KIF1A: variants seen among roughly 807,000 people sequenced by gnomAD.
KIF1A encodes kinesin family member 1A.
KIF1A carries 46 observed loss-of-function variants against 227.3 expected under a neutral mutation model. The ratio of observed to expected loss-of-function variants is 0.20; its 90% confidence interval spans 0.16 to 0.26. The LOEUF (loss-of-function observed/expected upper bound fraction) is 0.26, where lower values mean the gene tolerates loss of function less well. KIF1A is among the 10% of genes least tolerant of loss of function. The pLI is 1.00. For missense variants in KIF1A, 1,683 were observed against 2,485.9 expected (o/e 0.68, Z 6.87); for synonymous variants, 1,022 against 1,012.8 (o/e 1.01, Z -0.17).
At chr2:240,743,075 A>C (rs1575558507) in intron 33 of KIF1A, 91 bp from the exon 34 acceptor site, 3 of 1,016,666 alleles carry the variant, frequency 3.0e-6, no homozygotes, top group Admixed American at 5.4e-5. Context: ...CCAGGTGCCC[A>C]TCCCGGCCCC....
At chr2:240,729,302 T>C (rs972597150) in intron 38 of KIF1A, among the ~76,000 whole-genome samples, 19 of 146,266 alleles carry the variant, frequency 1.3e-4, no homozygotes, top group African/African-American at 4.7e-4. Context: ...TTCCCCTTCC[T>C]TCTCTTCCAT....
intron 19 of KIF1A, 52 bp from the exon 20 acceptor site, chr2:240,765,845 T>C (rs1337755481): frequency 1.4e-6 from 2 of 1,392,700 alleles, no homozygotes; most frequent in Non-Finnish European, 2.0e-6. Context: ...GGCTGTCACC[T>C]ACAGCAGCTC....
At chr2:240,812,487 C>T (rs964765346) in intron 1 of KIF1A, among the ~76,000 whole-genome samples, 17 of 151,528 alleles carry the variant, frequency 1.1e-4, no homozygotes, top group Non-Finnish European at 2.1e-4. Flanking sequence ...GCCTTTACCT[C>T]GGGATCTGCC....
At chr2:240,737,989 G>C (rs894580135) in intron 37 of KIF1A, among the ~76,000 whole-genome samples, 2 of 152,208 alleles carry the variant, frequency 1.3e-5, no homozygotes, top group Non-Finnish European at 2.9e-5. Flanking sequence ...CCATGACTTT[G>C]CAGCACTTAG....
rs1289181876 is a variant in KIF1A, at chr2:240,773,270, G to A, written c.1038-14C>T. On this transcript the variant is annotated splice_polypyrimidine_tract_variant and intron_variant, in intron 12 of 48. Transcript: ENST00000498729. ...CGGTCAGCATACCTGGGTGGCAGAG[G>A]GGGCTGTGGGCTGTGCTCGGGACAG... 1.2e-5 allele frequency: 20 copies of A among 1,613,776 alleles called. No individual in the cohort carries two copies. Among genetic ancestry groups the A allele is most frequent in the Non-Finnish European group, 1.7e-5 (20 of 1,179,784 alleles).
In KIF1A at chr2:240,758,860, G is replaced by A. The variant is rs1281908598; in HGVS notation, c.2445-363C>T. Among the ~76,000 whole-genome samples the A allele has an allele frequency of 6.6e-6, 1 of 152,206 alleles. No individual in the cohort carries two copies. The highest frequency in any genetic ancestry group is 2.4e-5 in the African/African-American group (1 of 41,442). On this transcript the variant is annotated intron_variant, in intron 25 of 48. Transcript: ENST00000498729. This position sits in a 1 kb window ranked among gnomAD's most constrained non-coding sequence, Gnocchi z 5.2. ...AGTGAAGCTCAGAAACGGGGATCAG[G>A]CCACAGAGGCGCAAGAGCTCGAGGA...
Position 240,758,543 on chromosome 2 carries a change from G to A in KIF1A, c.2445-46C>T. On this transcript the variant is annotated intron_variant, in intron 25 of 48. Transcript: ENST00000498729. This position sits in a 1 kb window ranked among gnomAD's most constrained non-coding sequence, Gnocchi z 5.2. Reference sequence around the variant, plus strand: ...AATGTGGACCCAGGCCCAGCGCTCAGCAGCTGGCACCGCACACCCTTATCT... The same window carrying A: ...AATGTGGACCCAGGCCCAGCGCTCAACAGCTGGCACCGCACACCCTTATCT... 6.7e-7 allele frequency: 1 copy of A among 1,492,234 alleles called. No individual in the cohort carries two copies. Among genetic ancestry groups the A allele is most frequent in the Non-Finnish European group, 8.9e-7 (1 of 1,117,732 alleles). 92.4% of individuals were successfully genotyped at this position (1,492,234 alleles called of 1,614,324 possible).
At chr2:240,804,837 C>T (rs1173092014) in intron 1 of KIF1A, among the ~76,000 whole-genome samples, 1 of 152,046 alleles carries the variant, frequency 6.6e-6, no homozygotes, top group Admixed American at 6.6e-5. Flanking sequence ...GGCCCCAAAG[C>T]ACCTAACAAA....
At chr2:240,737,324 C>G in intron 37 of KIF1A, 156 bp from the exon 38 acceptor site, 1 of 610,634 alleles carries the variant, frequency 1.6e-6, no homozygotes, top group East Asian at 2.8e-5. Flanking sequence ...GGAGGCCCTA[C>G]AGGGTCCTCA....
intron 37 of KIF1A, among the ~76,000 whole-genome samples, chr2:240,738,656 A>C (rs901370320): frequency 6.6e-6 from 1 of 152,182 alleles, no homozygotes; most frequent in African/African-American, 2.4e-5. Flanking sequence ...GGTTCATACC[A>C]TATCTCCCCA....
rs2053070002 is a variant in KIF1A at position 240,778,477 on chromosome 2, C to T, written c.883-2551G>A. ...TCACACGATCCTCCATTTCTCAGAG[C>T]TCTCAGCAGGCGCTCGCAGCTCCCG... On this transcript the variant is annotated intron_variant, in intron 10 of 48. Transcript: ENST00000498729. The surrounding 1 kb of genome is among the most constrained non-coding windows in gnomAD (Gnocchi z 7.2). Among the ~76,000 whole-genome samples, 1 of 148,872 alleles carries T rather than the reference C, an allele frequency of 6.7e-6. No individual in the cohort carries two copies. Among genetic ancestry groups the T allele is most frequent in the Admixed American group, 6.7e-5 (1 of 14,938 alleles).
In KIF1A at chr2:240,745,919, G is replaced by A. The variant is rs747471328; in HGVS notation, c.3203-10C>T. 2.4e-5 allele frequency: 38 copies of A among 1,598,516 alleles called. No homozygotes were observed. Among genetic ancestry groups the A allele is most frequent in the Admixed American group, 3.4e-5 (2 of 58,818 alleles). On this transcript the variant is annotated splice_polypyrimidine_tract_variant and intron_variant, in intron 30 of 48. Coordinates refer to ENST00000498729, the MANE Select transcript of KIF1A (RefSeq NM_001244008.2). The stretch of plus-strand genomic sequence containing the variant: ...CCTTCTGGGGGCACTGCTGCTGGGA[G>A]TCAAGGAGAGAGTCATGGACCTCCA...
chr2:240,732,674 G>A (rs184444306), intron 38 of KIF1A, among the ~76,000 whole-genome samples: 2 of 117,132 alleles, frequency 1.7e-5, no homozygotes, highest in South Asian at 3.3e-4. Flanking sequence ...TGAGGAGTTC[G>A]GGGGTGAGGG....
chr2:240,816,059 TG>T (rs1335597622), intron 1 of KIF1A, among the ~76,000 whole-genome samples: 2 of 152,126 alleles, frequency 1.3e-5, no homozygotes, highest in Non-Finnish European at 2.9e-5. Context: ...AGGCAGCATT[TG>T]AGGGGGACCT....
intron 10 of KIF1A, 95 bp downstream of exon 10, chr2:240,782,495 C>T: frequency 1.5e-6 from 2 of 1,358,102 alleles, no homozygotes; most frequent in Non-Finnish European, 2.0e-6. Flanking sequence ...AGCGCACTCA[C>T]TGCCCGCCCC....
chr2:240,726,225 G>A lies in KIF1A; in HGVS notation c.4122+601C>T, dbSNP rs368832011. On this transcript the variant is annotated intron_variant, in intron 39 of 48. Transcript: ENST00000498729. This position sits in a 1 kb window ranked among gnomAD's most constrained non-coding sequence, Gnocchi z 5.2. ...CTTCTGTTTTTGTGCTGCCCGGAAT[G>A]CAGACACAATGTCTGGTGGTGCTGC... 6.6e-5 allele frequency among the ~76,000 whole-genome samples: 10 copies of A among 152,334 alleles called. No individual in the cohort carries two copies. The highest frequency in any genetic ancestry group is 2.4e-4 in the African/African-American group (10 of 41,564).
intron 38 of KIF1A, chr2:240,728,521 G>C: frequency 1.5e-6 from 1 of 660,220 alleles, no homozygotes; most frequent in Admixed American, 2.3e-5. Context: ...AGTTCGGCAG[G>C]TGCACGCCGG....
chr2:240,787,868 G>A (rs2055147557), intron 4 of KIF1A, among the ~76,000 whole-genome samples, 183 bp downstream of exon 4: 2 of 152,182 alleles, frequency 1.3e-5, no homozygotes, highest in South Asian at 2.1e-4. Context: ...GCCTGGGTCT[G>A]CAGCTTCACA....
intron 1 of KIF1A, among the ~76,000 whole-genome samples, chr2:240,800,293 G>A (rs2056853676): frequency 6.6e-6 from 1 of 152,166 alleles, no homozygotes; most frequent in Non-Finnish European, 1.5e-5. Flanking sequence ...TCTGTTCTTG[G>A]CTCTGGGGTA....
Sources: gnomAD v4.1 joint callset for allele counts (sites outside exome capture counted in the v4.1 genomes callset) on GRCh38, gnomAD v4.1.1 for gene constraint, Gnocchi (gnomAD v3.1) non-coding constraint, MANE v1.5 for transcripts, NCBI Gene and HGNC (gene_info 2026-07-23, HGNC 2026-07-21) for gene names.